The following DDX52 variants were observed in gnomAD, a reference collection of about 807,000 sequenced individuals.
DDX52 encodes the protein probable ATP-dependent RNA helicase DDX52.
In DDX52, 59 loss-of-function variants were observed where a neutral mutation model predicts 76.1. That is an observed-to-expected ratio of 0.78 (90% CI 0.63 to 0.96). DDX52 has a LOEUF of 0.96. DDX52 is among the 40% of genes least tolerant of loss of function. The pLI is 0.00. For synonymous variants in DDX52, 231 were observed against 244.1 expected (o/e 0.95, Z 0.50); for missense variants, 707 against 703.9 (o/e 1.00, Z -0.05).
At chr17:37,638,595 A>G (rs188621615) in intron 2 of DDX52, among the ~76,000 whole-genome samples, 3 of 152,332 alleles carry the variant, frequency 2.0e-5, no homozygotes, top group African/African-American at 4.8e-5. Context: ...AACATAAGAT[A>G]AAACACCAAC....
chr17:37,624,498 A>T, intron 8 of DDX52, 64 bp from the exon 9 acceptor site: 1 of 1,275,806 alleles, frequency 7.8e-7, no homozygotes, highest in Non-Finnish European at 1.1e-6. Context: ...CTGAACTCTA[A>T]ATAAATGAAA....
At chr17:37,629,213 T>C (rs2030550450) in intron 5 of DDX52, among the ~76,000 whole-genome samples, 6 of 144,792 alleles carry the variant, frequency 4.1e-5, no homozygotes. Flanking sequence ...AGAGCATGAC[T>C]GTCCCAAGAA....
In DDX52 at chr17:37,615,086, G is replaced by A. The variant is rs185510007; in HGVS notation, c.1743-733C>T. 1.0e-3 allele frequency: 152 copies of A among 152,354 alleles called. No homozygotes were observed. The South Asian group carries it at 0.013, about 13-fold the overall frequency. The allele number at this position is 152,354 out of a possible 1,614,324, so 9.4% of individuals were successfully genotyped here. A position where few individuals can be genotyped will look rare whatever the true frequency, so the allele number is the denominator to read the frequency against. ...GAAGTGAGGTCCACTAGGCAGCAAGGATTCAGGTTTGTAGCTCAATGGGGA... is the reference window on the plus strand; with the variant it reads ...GAAGTGAGGTCCACTAGGCAGCAAGAATTCAGGTTTGTAGCTCAATGGGGA... On this transcript the variant is annotated intron_variant, in intron 14 of 14. Transcript: ENST00000617633.
In DDX52 at chr17:37,629,278, T is replaced by C. The variant is rs7214681; in HGVS notation, c.748-606A>G. ...ACACACACACACACACACACACACA[T>C]AGTACTATTACAAGACTATTTCATA... On this transcript the variant is annotated intron_variant, in intron 5 of 14. Coordinates refer to ENST00000617633, the MANE Select transcript of DDX52 (RefSeq NM_007010.5). 9.4e-4 allele frequency among the ~76,000 whole-genome samples: 111 copies of C among 117,742 alleles called. 1 individual carries two copies. The highest frequency in any genetic ancestry group is 4.1e-3 in the African/African-American group (88 of 21,588). The allele number at this position is 117,742 out of a possible 152,430, so 77.2% of individuals were successfully genotyped here.
At chr17:37,642,616 C>T (rs1305284164) in intron 1 of DDX52, 1 of 316,020 alleles carries the variant, frequency 3.2e-6, no homozygotes, top group African/African-American at 2.2e-5. Flanking sequence ...AATGAGAAAA[C>T]CAAGGCATTC....
chr17:37,625,086 A>G (rs1399049640), intron 8 of DDX52, among the ~76,000 whole-genome samples: 3 of 151,842 alleles, frequency 2.0e-5, no homozygotes, highest in Non-Finnish European at 4.4e-5. Context: ...GCCCACTGCA[A>G]CCTCCACCTC....
rs759435597 is a variant in DDX52 at position 37,624,358 on chromosome 17, C to T, written c.1213G>A (p.Glu405Lys). The change falls in exon 9 of 15, where the codon GAA becomes AAA. Residue 405 changes from glutamate to lysine, a missense_variant. Transcript: ENST00000617633. ...SETGKLLAVR[E>K]LVKKGFNPPV... ...TACAAATATACCTTTTTAACAAGTT[C>T]TCTCACGGCCAGAAGTTTTCCGGTC... 4 of 1,607,778 alleles carry T rather than the reference C, an allele frequency of 2.5e-6. No individual in the cohort carries two copies. Among genetic ancestry groups the T allele is most frequent in the Non-Finnish European group, 3.4e-6 (4 of 1,176,216 alleles).
chr17:37,624,136 GCTT>G, intron 9 of DDX52: 1 of 349,380 alleles, frequency 2.9e-6, no homozygotes, highest in Non-Finnish European at 5.1e-6. Context: ...GGGACAACAC[GCTT>G]CTTAACCATT....
At position 37,611,367 on chromosome 17, in the gene DDX52, A is replaced by AAAAC. The variant is rs199663614; in HGVS notation, c.*2925_*2928dup. The AAAAC allele has an allele frequency of 2.0e-5, 3 of 152,232 alleles. No homozygotes were observed. Among genetic ancestry groups the AAAAC allele is most frequent in the Admixed American group, 2.0e-4 (3 of 15,290 alleles). The allele number at this position is 152,232 out of a possible 1,614,324, so 9.4% of individuals were successfully genotyped here. On this transcript the variant is annotated 3_prime_UTR_variant, in exon 15 of 15. Transcript: ENST00000617633. The stretch of plus-strand genomic sequence containing the variant: ...AAGTTTTAGAAGTAAATAGTAAAAC[A>AAAAC]AAACAAACAAACAAAAATTAATAGA...
At chr17:37,619,888 G>A (rs1477661413) in intron 12 of DDX52, 49 bp from the exon 13 acceptor site, 6 of 1,578,492 alleles carry the variant, frequency 3.8e-6, no homozygotes, top group Non-Finnish European at 4.3e-6. Flanking sequence ...CTAAATTGAT[G>A]TTTATGAATG....
Position 37,642,120 on chromosome 17 carries a change from C to T in DDX52, c.276G>A (p.Thr92=). 1 of 1,613,116 alleles carries T rather than the reference C, an allele frequency of 6.2e-7. No individual in the cohort carries two copies. Among genetic ancestry groups the T allele is most frequent in the East Asian group, 2.2e-5 (1 of 44,868 alleles). The change falls in exon 2 of 15, where the codon ACG becomes ACA. Residue 92 remains threonine, a synonymous_variant. Coordinates refer to ENST00000617633, the MANE Select transcript of DDX52 (RefSeq NM_007010.5). The part of the protein sequence containing the change: ...KREQSKKKRK[T]MTSEIASQEE... ...AAATCAAACACTAACCTGAAGTCAT[C>T]GTCTTCCTTTTTTTCTTGCTCTGCT...
In DDX52 at chr17:37,609,787, TTA is replaced by T. The variant is rs1323455222; in HGVS notation, c.*4507_*4508del. On this transcript the variant is annotated 3_prime_UTR_variant, in exon 15 of 15. Coordinates refer to ENST00000617633, the MANE Select transcript of DDX52 (RefSeq NM_007010.5). ...ACTGGTGTTCTTTTATTGTTACTCT[TTA>T]CACACAAAGAACAGATAGGTCCTGA... 6.2e-6 allele frequency: 1 copy of T among 160,224 alleles called. No homozygotes were observed. Among genetic ancestry groups the T allele is most frequent in the African/African-American group, 2.4e-5 (1 of 41,764 alleles). The allele number at this position is 160,224 out of a possible 1,614,324, so 9.9% of individuals were successfully genotyped here.
chr17:37,619,789 T>C lies in DDX52; in HGVS notation c.1628A>G (p.Lys543Arg). 6.2e-7 allele frequency: 1 copy of C among 1,613,798 alleles called. No individual in the cohort carries two copies. Among genetic ancestry groups the C allele is most frequent in the South Asian group, 1.1e-5 (1 of 91,058 alleles). Residue 543 changes from lysine to arginine, a missense_variant, in exon 13 of 15, where the codon AAA becomes AGA. Physicochemically the swap from Lys to Arg is conservative, Grantham distance 26. Transcript: ENST00000617633. The stretch of plus-strand genomic sequence containing the variant: ...GTACCTTAGTAGTTTCTGAAAACCT[T>C]TTATGTATTCTGGTACAGGACACCC... Reference protein sequence around the residue: ...QAGCPVPEYIKGFQKLLSKQK... With the variant: ...QAGCPVPEYIRGFQKLLSKQK...
intron 10 of DDX52, 53 bp from the exon 11 acceptor site, chr17:37,621,330 T>A: frequency 6.3e-7 from 1 of 1,593,746 alleles, no homozygotes; most frequent in Non-Finnish European, 8.5e-7. Flanking sequence ...AGGTACTTCA[T>A]AAATTTAATG....
rs1450069663 is a variant in DDX52 at position 37,609,824 on chromosome 17, T to G, written c.*4472A>C. 4 of 153,938 alleles carry G rather than the reference T, an allele frequency of 2.6e-5. No homozygotes were observed. In the East Asian group the frequency reaches 7.6e-4, roughly 29 times the overall value. The allele number at this position is 153,938 out of a possible 1,614,324, so 9.5% of individuals were successfully genotyped here. On this transcript the variant is annotated 3_prime_UTR_variant, in exon 15 of 15. Coordinates refer to ENST00000617633, the MANE Select transcript of DDX52 (RefSeq NM_007010.5). ...AACAGATAGGTCCTGAAGGGCCCTT[T>G]GATAGTCTCGCAGCACTGATGAGTG...
intron 6 of DDX52, among the ~76,000 whole-genome samples, chr17:37,627,608 A>G (rs1437531406): frequency 6.7e-6 from 1 of 149,766 alleles, no homozygotes; most frequent in Non-Finnish European, 1.5e-5. Flanking sequence ...CCCCAGGAAA[A>G]TCATTTTTTT....
At chr17:37,637,723 C>G (rs1228697235) in intron 2 of DDX52, among the ~76,000 whole-genome samples, 1 of 151,654 alleles carries the variant, frequency 6.6e-6, no homozygotes, top group Non-Finnish European at 1.5e-5. Flanking sequence ...TATAGGCATG[C>G]GCCACCACGC....
chr17:37,642,194 G>T lies in DDX52; in HGVS notation c.202C>A (p.Pro68Thr), dbSNP rs1388474384. ...VCGASQTHQK[P>T]QNGEKKEESL... ...TCTTCTTTTTTCTCTCCATTTTGGGGCTTCTGATGTGTTTGTGATGCTCCA... is the reference window on the plus strand; with the variant it reads ...TCTTCTTTTTTCTCTCCATTTTGGGTCTTCTGATGTGTTTGTGATGCTCCA... The change falls in exon 2 of 15, where the codon CCC becomes ACC. Residue 68 changes from proline to threonine, a missense_variant. Physicochemically the swap from Pro to Thr is conservative, Grantham distance 38 (BLOSUM62 -1). Transcript: ENST00000617633. 1 of 1,613,896 alleles carries T rather than the reference G, an allele frequency of 6.2e-7. No homozygotes were observed. The highest frequency in any genetic ancestry group is 8.5e-7 in the Non-Finnish European group (1 of 1,179,990).
intron 4 of DDX52, among the ~76,000 whole-genome samples, chr17:37,630,639 GTTTT>G (rs34387906): frequency 5.4e-5 from 7 of 128,578 alleles, no homozygotes; most frequent in African/African-American, 1.4e-4. Flanking sequence ...AACTCACTGT[GTTTT>G]TTTTTTTTTT....
Sources: gnomAD v4.1 joint callset for allele counts (sites outside exome capture counted in the v4.1 genomes callset) on GRCh38, gnomAD v4.1.1 for gene constraint, MANE v1.5 for transcripts, NCBI Gene and HGNC (gene_info 2026-07-23, HGNC 2026-07-21) for gene names.